The following ADGRL3 variants were observed in gnomAD, a reference collection of about 807,000 sequenced individuals.
The protein encoded by ADGRL3 is adhesion G protein-coupled receptor L3.
In ADGRL3, 62 loss-of-function variants were observed where a neutral mutation model predicts 153.5. The ratio of observed to expected loss-of-function variants is 0.40; its 90% CI spans 0.33 to 0.50. The LOEUF (loss-of-function observed/expected upper bound fraction) is 0.50. Among genes scored for constraint, ADGRL3 ranks in the 20% least tolerant of loss-of-function variants. The pLI is 0.47. For missense variants in ADGRL3, 1,641 were observed against 1,859.4 expected (o/e 0.88, Z 2.16); for synonymous variants, 710 against 672.5 (o/e 1.06, Z -0.86).
chr4:61,885,784 G>C (rs1192209992), intron 9 of ADGRL3, among the ~76,000 whole-genome samples: 1 of 152,046 alleles, frequency 6.6e-6, no homozygotes, highest in Non-Finnish European at 1.5e-5. Context: ...TGTAAGCTCG[G>C]GGGAATTATT....
At chr4:61,716,468 A>G (rs2151562250) in intron 6 of ADGRL3, among the ~76,000 whole-genome samples, 1 of 152,302 alleles carries the variant, frequency 6.6e-6, no homozygotes, top group Non-Finnish European at 1.5e-5. Context: ...GAACATCAGT[A>G]AACTGGACAG....
At chr4:61,714,018 T>A (rs1163589904) in intron 6 of ADGRL3, among the ~76,000 whole-genome samples, 3 of 152,144 alleles carry the variant, frequency 2.0e-5, no homozygotes, top group African/African-American at 7.2e-5. Flanking sequence ...TTCTATCTTA[T>A]CCCCTCTTTT....
chr4:61,555,840 T>C lies in ADGRL3; in HGVS notation c.260-31387T>C, dbSNP rs920386347. On this transcript the variant is annotated intron_variant, in intron 4 of 26. Transcript: ENST00000683033. ...ATAGGGTAACTTCCTGATGTTGCCA[T>C]GGCATCTGTAAACTATCACTGCGCT... 2.0e-5 allele frequency among the ~76,000 whole-genome samples: 3 copies of C among 152,218 alleles called. No homozygotes were observed. The South Asian group carries it at 6.2e-4, about 31-fold the overall frequency.
intron 17 of ADGRL3, among the ~76,000 whole-genome samples, chr4:61,973,003 A>G (rs1340278993): frequency 6.6e-6 from 1 of 152,086 alleles, no homozygotes; most frequent in Non-Finnish European, 1.5e-5. Context: ...ATTTTTTTCA[A>G]AAAAGAAGAA....
At chr4:61,372,821 C>A (rs953049690) in intron 1 of ADGRL3, among the ~76,000 whole-genome samples, 14 of 152,174 alleles carry the variant, frequency 9.2e-5, no homozygotes, top group African/African-American at 3.4e-4. Flanking sequence ...GGCGCCCCTC[C>A]CCCAGTCTCG....
intron 6 of ADGRL3, among the ~76,000 whole-genome samples, chr4:61,687,989 TG>T (rs2095476292): frequency 6.6e-6 from 1 of 152,084 alleles, no homozygotes; most frequent in African/African-American, 2.4e-5. Flanking sequence ...CAAACATGAC[TG>T]GTTCCTAACT....
At chr4:61,553,302 C>T (rs2098748746) in intron 4 of ADGRL3, among the ~76,000 whole-genome samples, 1 of 151,942 alleles carries the variant, frequency 6.6e-6, no homozygotes, top group South Asian at 2.1e-4. Context: ...ATCTCTGTAC[C>T]TAAAATATAT....
At chr4:61,248,911 G>T (rs1758115290) in intron 1 of ADGRL3, among the ~76,000 whole-genome samples, 1 of 152,114 alleles carries the variant, frequency 6.6e-6, no homozygotes, top group Non-Finnish European at 1.5e-5. Flanking sequence ...TAAATAATAG[G>T]TCGAATTTCT....
intron 1 of ADGRL3, among the ~76,000 whole-genome samples, chr4:61,348,802 T>G (rs1436682959): frequency 2.0e-5 from 3 of 152,012 alleles, no homozygotes; most frequent in African/African-American, 7.2e-5. Flanking sequence ...CTTTTAATAT[T>G]TAGTGGTTAA....
At chr4:62,005,953 CATAT>C (rs1242941206) in intron 21 of ADGRL3, among the ~76,000 whole-genome samples, 4 of 115,818 alleles carry the variant, frequency 3.5e-5, no homozygotes, top group Non-Finnish European at 6.9e-5. Context: ...TATATACATA[CATAT>C]ATATACACAT....
chr4:62,016,290 G>T (rs867050923), intron 21 of ADGRL3, among the ~76,000 whole-genome samples: 5 of 151,946 alleles, frequency 3.3e-5, no homozygotes, highest in Non-Finnish European at 5.9e-5. Flanking sequence ...CTCATGATCT[G>T]CCCCCCTCGG....
chr4:61,677,214 A>G, intron 6 of ADGRL3: 1 of 333,482 alleles, frequency 3.0e-6, no homozygotes, highest in South Asian at 3.1e-5. Flanking sequence ...ATTTAGAAAA[A>G]GGTTGGGGGA....
Position 61,730,621 on chromosome 4 carries a change from G to A in ADGRL3, c.584-1G>A. The A allele has an allele frequency of 1.8e-6, 1 of 560,850 alleles. No individual in the cohort carries two copies. The allele number at this position is 560,850 out of a possible 1,614,324, so 34.7% of individuals were successfully genotyped here. On this transcript the variant is annotated splice_acceptor_variant, in intron 6 of 26. Transcript: ENST00000683033. LOFTEE classifies it high-confidence loss of function. ...TCTCTTTACTTCTCTCTCTCCAATA[G>A]AAGTGGAACAAAAAGGTAATTAAAT... is the stretch of plus-strand genomic sequence containing the variant.
chr4:61,760,690 G>C (rs997752869), intron 8 of ADGRL3, among the ~76,000 whole-genome samples: 2 of 152,182 alleles, frequency 1.3e-5, no homozygotes, highest in Non-Finnish European at 2.9e-5. Flanking sequence ...ACACTCCCCA[G>C]TGAGATGAGC....
intron 1 of ADGRL3, among the ~76,000 whole-genome samples, chr4:61,336,056 G>A (rs1034867354): frequency 8.6e-5 from 13 of 151,968 alleles, no homozygotes; most frequent in African/African-American, 3.1e-4. Flanking sequence ...TATGGATAAG[G>A]TATTGGATAG....
chr4:61,693,798 G>A lies in ADGRL3; in HGVS notation c.583+16863G>A, dbSNP rs1038207120. The stretch of plus-strand genomic sequence containing the variant: ...GCTTTCTTCAGCTTGATATTAAATA[G>A]CATCTTGTGAAATTTGGTAAAGACT... On this transcript the variant is annotated intron_variant, in intron 6 of 26. Coordinates refer to ENST00000683033, the MANE Select transcript of ADGRL3 (RefSeq NM_001387552.1). Among the ~76,000 whole-genome samples the A allele has an allele frequency of 3.9e-5, 6 of 152,100 alleles. No homozygotes were observed. The East Asian group carries it at 1.2e-3, about 29-fold the overall frequency.
intron 4 of ADGRL3, among the ~76,000 whole-genome samples, chr4:61,555,440 A>G (rs2098760755): frequency 1.3e-5 from 2 of 152,168 alleles, no homozygotes; most frequent in African/African-American, 2.4e-5. Context: ...TAAAGCCAGA[A>G]TTGTATTCAT....
chr4:61,577,985 T>C (rs559909152), intron 4 of ADGRL3, among the ~76,000 whole-genome samples: 14 of 152,172 alleles, frequency 9.2e-5, no homozygotes, highest in African/African-American at 2.9e-4. Flanking sequence ...TTATGTTTTG[T>C]GCTGTTAAGA....
At position 61,733,096 on chromosome 4, in the gene ADGRL3, A is replaced by G; in HGVS notation, c.941A>G (p.Asn314Ser). 6.2e-7 allele frequency: 1 copy of G among 1,613,612 alleles called. No individual in the cohort carries two copies. The highest frequency in any genetic ancestry group is 8.5e-7 in the Non-Finnish European group (1 of 1,179,774). ...RIKSGEAIIA[N>S]ANYHDTSPYR... ...AAGAGTGGAGAGGCTATCATAGCAA[A>G]TGCCAATTACCATGATACCTCCCCT... The change falls in exon 8 of 27, where the codon AAT (asparagine) becomes AGT (serine). Residue 314 changes from asparagine (N) to serine (S), a missense_variant. Physicochemically the swap from Asn to Ser is conservative, Grantham distance 46. Coordinates refer to ENST00000683033, the MANE Select transcript of ADGRL3 (RefSeq NM_001387552.1).
Sources: allele counts gnomAD v4.1 joint callset (sites outside exome capture counted in the v4.1 genomes callset), GRCh38; gene constraint gnomAD v4.1.1; transcripts MANE v1.5; gene names NCBI Gene and HGNC (gene_info 2026-07-23, HGNC 2026-07-21).